CD72: variants seen among roughly 807,000 people sequenced by gnomAD.
CD72 encodes CD72 molecule, also known as B-cell differentiation antigen CD72.
In CD72, 28 loss-of-function variants were observed where a neutral mutation model predicts 50.7. The ratio of observed to expected loss-of-function variants is 0.55; its 90% CI spans 0.41 to 0.76. The LOEUF (loss-of-function observed/expected upper bound fraction) is 0.76, where lower values mean the gene tolerates loss of function less well. CD72 is among the 30% of genes least tolerant of loss of function. The pLI, the probability that CD72 is intolerant of heterozygous loss-of-function variation, is 0.00. For synonymous variants in CD72, 176 were observed against 171.2 expected, an observed-to-expected ratio of 1.03 and a Z score of -0.22; for missense variants, 403 against 420.6, an observed-to-expected ratio of 0.96 and a Z score of 0.37.
rs1823086795 is a variant in CD72 at position 35,617,647 on chromosome 9, C to A, written c.190+367G>T. On this transcript the variant is annotated intron_variant, in intron 2 of 8. Transcript: ENST00000259633. ...CCTATCCCTCCGCAGCCCTTATCTC[C>A]CCGAAAGGGGTCTCCACCTTGCGGG... 3.3e-5 allele frequency among the ~76,000 whole-genome samples: 5 copies of A among 152,146 alleles called. No individual in the cohort carries two copies. In the South Asian group the frequency reaches 1.0e-3, roughly 32 times the overall value.
At chr9:35,617,836 C>A (rs1228687220) in intron 2 of CD72, among the ~76,000 whole-genome samples, 178 bp downstream of exon 2, 1 of 152,124 alleles carries the variant, frequency 6.6e-6, no homozygotes. Flanking sequence ...GAGGCCAGGG[C>A]AGGAGGATCA....
At chr9:35,629,640 A>G (rs1327730726) in intron 1 of CD72, among the ~76,000 whole-genome samples, 3 of 152,208 alleles carry the variant, frequency 2.0e-5, no homozygotes, top group African/African-American at 7.2e-5. Flanking sequence ...GGAAGGGAAG[A>G]TGGGCAAAAG....
upstream of CD72, among the ~76,000 whole-genome samples, chr9:35,620,251 A>G (rs1823133467): frequency 6.6e-6 from 1 of 152,108 alleles, no homozygotes; most frequent in African/African-American, 2.4e-5. Context: ...CCAAGCTTCT[A>G]GTCTGCACTC....
chr9:35,646,585 A>G (rs1823395918), exon 1 of CD72: 1 of 152,292 alleles, frequency 6.6e-6, no homozygotes, highest in Non-Finnish European at 1.5e-5. Context: ...AAGAAAACGG[A>G]ACGGCTGTAC....
chr9:35,614,233 G>A (rs138059713), intron 5 of CD72, among the ~76,000 whole-genome samples: 28 of 152,322 alleles, frequency 1.8e-4, no homozygotes, highest in Non-Finnish European at 3.4e-4. Flanking sequence ...CATATTATAT[G>A]TTATGTATTC....
intron 1 of CD72, among the ~76,000 whole-genome samples, chr9:35,641,401 T>C (rs1823338755): frequency 6.6e-6 from 1 of 152,078 alleles, no homozygotes; most frequent in South Asian, 2.1e-4. Context: ...AATTACTTCT[T>C]TGGCACACTT....
chr9:35,631,798 G>C (rs1823248461), intron 1 of CD72, among the ~76,000 whole-genome samples: 1 of 152,148 alleles, frequency 6.6e-6, no homozygotes, highest in Non-Finnish European at 1.5e-5. Flanking sequence ...GCTGAGGCAG[G>C]AGAATGGCGT....
rs1206616768 is a variant in CD72 at position 35,610,030 on chromosome 9, C to G, written c.*293G>C. 2 of 381,390 alleles carry G rather than the reference C, an allele frequency of 5.2e-6. No homozygotes were observed. The highest frequency in any genetic ancestry group is 4.2e-5 in the African/African-American group (2 of 47,618). 23.6% of individuals were successfully genotyped at this position (381,390 alleles called of 1,614,324 possible). A position where few individuals can be genotyped will look rare whatever the true frequency, so the allele number is the denominator to read the frequency against. Reference sequence around the variant, plus strand: ...ACTGCCTGGCTGGCTCCGGGCCGCCCCTATCCGCTCAGCCCGTGCGCCCTC... The same window carrying G: ...ACTGCCTGGCTGGCTCCGGGCCGCCGCTATCCGCTCAGCCCGTGCGCCCTC... On this transcript the variant is annotated 3_prime_UTR_variant, in exon 9 of 9. Transcript: ENST00000259633.
chr9:35,620,756 G>A (rs138018131), upstream of CD72, among the ~76,000 whole-genome samples: 77 of 152,296 alleles, frequency 5.1e-4, 1 homozygote, highest in East Asian at 0.013. Flanking sequence ...CCGGGAGGCA[G>A]AGGTTGCAGT....
chr9:35,645,638 A>G (rs1823385493), intron 1 of CD72, among the ~76,000 whole-genome samples: 1 of 152,212 alleles, frequency 6.6e-6, no homozygotes, highest in Admixed American at 6.5e-5. Flanking sequence ...GTATGCGTAT[A>G]TCAAAATATC....
chr9:35,637,735 T>A (rs1455468449), intron 1 of CD72, among the ~76,000 whole-genome samples: 1 of 152,148 alleles, frequency 6.6e-6, no homozygotes. Flanking sequence ...TTCATTGGTG[T>A]CTGATCACCA....
chr9:35,642,979 G>C (rs773465123), intron 1 of CD72: 1 of 152,204 alleles, frequency 6.6e-6, no homozygotes, highest in Non-Finnish European at 1.5e-5. Flanking sequence ...AGGCAGCCAA[G>C]TGACAAGGCA....
chr9:35,617,816 A>G (rs764794826), intron 2 of CD72, among the ~76,000 whole-genome samples, 198 bp downstream of exon 2: 3 of 152,154 alleles, frequency 2.0e-5, no homozygotes, highest in Non-Finnish European at 4.4e-5. Flanking sequence ...CTGCAATCCC[A>G]ACACTTTGGG....
At chr9:35,621,041 G>A (rs906022714), upstream of CD72, among the ~76,000 whole-genome samples, 2 of 152,144 alleles carry the variant, frequency 1.3e-5, no homozygotes, top group Admixed American at 6.5e-5. Context: ...CCTTCCCCAC[G>A]TGTGTCACTT....
intron 1 of CD72, among the ~76,000 whole-genome samples, chr9:35,641,187 G>A (rs994972630): frequency 2.2e-5 from 3 of 136,650 alleles, no homozygotes; most frequent in Admixed American, 7.3e-5. Flanking sequence ...GATTTCCTCG[G>A]GGGGGGTGCC....
chr9:35,615,668 G>A (rs1011125358), intron 5 of CD72, among the ~76,000 whole-genome samples: 5 of 151,330 alleles, frequency 3.3e-5, no homozygotes, highest in African/African-American at 9.7e-5. Context: ...GATATCAACC[G>A]GAAGAAACCT....
chr9:35,612,998 A>G lies in CD72; in HGVS notation c.689-5T>C. Reference sequence around the variant, plus strand: ...ATCCCGACGGACAGCAGGTGTCTAAAAAGCAGAAAGAGTGTGATAGCAGCA... The same window carrying G: ...ATCCCGACGGACAGCAGGTGTCTAAGAAGCAGAAAGAGTGTGATAGCAGCA... On this transcript the variant is annotated splice_region_variant and splice_polypyrimidine_tract_variant and intron_variant, in intron 5 of 8. Coordinates refer to ENST00000259633, the MANE Select transcript of CD72 (RefSeq NM_001782.3). 1.9e-6 allele frequency: 3 copies of G among 1,606,382 alleles called. No homozygotes were observed. Among genetic ancestry groups the G allele is most frequent in the Non-Finnish European group, 1.7e-6 (2 of 1,174,910 alleles).
chr9:35,616,416 G>C (rs537312979), intron 4 of CD72, 138 bp from the exon 5 acceptor site: 1 of 845,748 alleles, frequency 1.2e-6, no homozygotes, highest in Admixed American at 2.2e-5. Context: ...TGACTAAAGC[G>C]TAAGGAGGTA....
chr9:35,623,717 G>C (rs922063080), upstream of CD72, among the ~76,000 whole-genome samples: 11 of 152,132 alleles, frequency 7.2e-5, no homozygotes, highest in African/African-American at 2.7e-4. Flanking sequence ...AGGAGTTCAA[G>C]ACCAGCCTGG....
Sources: gnomAD v4.1 joint callset for allele counts (sites outside exome capture counted in the v4.1 genomes callset) on GRCh38, gnomAD v4.1.1 for gene constraint, MANE v1.5 for transcripts, NCBI Gene and HGNC (gene_info 2026-07-23, HGNC 2026-07-21) for gene names.